CLEC5A: variants seen among roughly 807,000 people sequenced by gnomAD.
The protein encoded by CLEC5A is C-type lectin domain family 5 member A.
CLEC5A carries 15 observed loss-of-function variants against 24.4 expected under a neutral mutation model. That is an observed-to-expected ratio of 0.62 (90% confidence interval 0.41 to 0.95). The LOEUF (loss-of-function observed/expected upper bound fraction) is 0.95, where lower values mean the gene tolerates loss of function less well. Among genes scored for constraint, CLEC5A ranks in the 40% least tolerant of loss-of-function variants. The pLI is 0.00. For missense variants in CLEC5A, 211 were observed against 224.0 expected, an observed-to-expected ratio of 0.94 and a Z score of 0.37; for synonymous variants, 71 against 72.6, an observed-to-expected ratio of 0.98 and a Z score of 0.11.
intron 6 of CLEC5A, chr7:141,931,473 A>C (rs1381740850): frequency 1.9e-6 from 1 of 513,510 alleles, no homozygotes; most frequent in African/African-American, 2.0e-5. Context: ...ATTTGTTTGG[A>C]TCTTGATATG....
chr7:141,934,404 G>T (rs117111661), intron 5 of CLEC5A, among the ~76,000 whole-genome samples: 2,742 of 152,270 alleles, frequency 0.018, 48 homozygotes, highest in South Asian at 0.068. Flanking sequence ...TGGGTGACAT[G>T]AGTACTCACC....
At chr7:141,937,245 G>C (rs1418913521) in intron 4 of CLEC5A, among the ~76,000 whole-genome samples, 1 of 151,976 alleles carries the variant, frequency 6.6e-6, no homozygotes, top group Non-Finnish European at 1.5e-5. Context: ...TCTAGGCCTT[G>C]ACTCTTGGAT....
At chr7:141,940,303 C>T (rs747875284) in intron 4 of CLEC5A, among the ~76,000 whole-genome samples, 13 of 151,798 alleles carry the variant, frequency 8.6e-5, no homozygotes, top group Non-Finnish European at 1.8e-4. Context: ...TGCACAAATA[C>T]GTGGAAATTA....
rs200671062 is a variant in CLEC5A, at chr7:141,935,826, C to T, written c.333G>A (p.Thr111=). The T allele has an allele frequency of 1.1e-5, 18 of 1,613,892 alleles. No individual in the cohort carries two copies. The highest frequency in any genetic ancestry group is 4.4e-5 in the South Asian group (4 of 91,088). ...GKGSTLAIVN[T]PEKLKFLQDI... is the part of the protein sequence containing the mutation. Reference sequence around the variant, plus strand: ...CCAGTGTTCTCACCAGTTTCTCTGGCGTGTTGACAATTGCCAATGTGGATC... The same window carrying T: ...CCAGTGTTCTCACCAGTTTCTCTGGTGTGTTGACAATTGCCAATGTGGATC... The change falls in exon 5 of 7, where the codon ACG becomes ACA. Residue 111 remains threonine, a synonymous_variant. Transcript: ENST00000546910.
chr7:141,932,077 C>G (rs1172495614), intron 5 of CLEC5A, among the ~76,000 whole-genome samples: 3 of 152,122 alleles, frequency 2.0e-5, no homozygotes, highest in Non-Finnish European at 4.4e-5. Flanking sequence ...TGAAGGGAAC[C>G]AATAATTTAC....
chr7:141,928,021 G>C lies in CLEC5A; in HGVS notation c.*2083C>G, dbSNP rs930300883. On this transcript the variant is annotated 3_prime_UTR_variant, in exon 7 of 7. Coordinates refer to ENST00000546910, the MANE Select transcript of CLEC5A (RefSeq NM_013252.3). Reference sequence around the variant, plus strand: ...ATTCACACAGCATATTAGAAACAAAGTGAAAACTCAAATTCAGTGGCTTGC... The same window carrying C: ...ATTCACACAGCATATTAGAAACAAACTGAAAACTCAAATTCAGTGGCTTGC... The C allele has an allele frequency of 4.6e-5, 7 of 150,568 alleles. No individual in the cohort carries two copies. Among genetic ancestry groups the C allele is most frequent in the Admixed American group, 4.6e-4 (7 of 15,116 alleles). 9.3% of individuals were successfully genotyped at this position (150,568 alleles called of 1,614,324 possible).
chr7:141,937,361 T>A (rs1469592871), intron 4 of CLEC5A, among the ~76,000 whole-genome samples: 1 of 152,000 alleles, frequency 6.6e-6, no homozygotes, highest in African/African-American at 2.4e-5. Context: ...CCCCTGTGCC[T>A]TAAACAAAAA....
intron 1 of CLEC5A, among the ~76,000 whole-genome samples, 166 bp from the exon 2 acceptor site, chr7:141,946,478 G>C (rs1802962088): frequency 6.6e-6 from 1 of 152,168 alleles, no homozygotes; most frequent in Non-Finnish European, 1.5e-5. Flanking sequence ...CGCGAACACA[G>C]AAAGAATCAT....
At chr7:141,935,277 T>C (rs1802585027) in intron 5 of CLEC5A, among the ~76,000 whole-genome samples, 1 of 152,210 alleles carries the variant, frequency 6.6e-6, no homozygotes, top group African/African-American at 2.4e-5. Flanking sequence ...AAATTACTTT[T>C]CTGTGCCCTA....
intron 3 of CLEC5A, among the ~76,000 whole-genome samples, chr7:141,944,347 C>A (rs546068857): frequency 6.6e-6 from 1 of 152,166 alleles, no homozygotes; most frequent in Non-Finnish European, 1.5e-5. Context: ...CTCGCCCAGG[C>A]TCCACACAGC....
At chr7:141,944,287 G>A (rs931145789) in intron 3 of CLEC5A, among the ~76,000 whole-genome samples, 11 of 152,234 alleles carry the variant, frequency 7.2e-5, no homozygotes, top group Admixed American at 3.3e-4. Flanking sequence ...CACTCCTATC[G>A]TATATAAACC....
At chr7:141,932,340 T>A (rs1379275653) in intron 5 of CLEC5A, among the ~76,000 whole-genome samples, 2 of 152,206 alleles carry the variant, frequency 1.3e-5, no homozygotes, top group African/African-American at 4.8e-5. Context: ...GTGTATTGCT[T>A]TTAAAAGTGT....
intron 4 of CLEC5A, among the ~76,000 whole-genome samples, chr7:141,937,516 A>T (rs1349278997): frequency 6.6e-6 from 1 of 152,166 alleles, no homozygotes; most frequent in Admixed American, 6.5e-5. Flanking sequence ...GGAGGACAGA[A>T]CACCAGGTAG....
intron 4 of CLEC5A, among the ~76,000 whole-genome samples, chr7:141,942,255 G>T (rs1802815771): frequency 6.6e-6 from 1 of 152,036 alleles, no homozygotes; most frequent in Non-Finnish European, 1.5e-5. Flanking sequence ...ACAGAAGAGA[G>T]AACCCATAAA....
At position 141,940,686 on chromosome 7, in the gene CLEC5A, C is replaced by CA. The variant is rs36046482; in HGVS notation, c.208+3209dup. ...AAAATCAATAAACCTTTAGCCAGAC[C>CA]AAAAAAAAAAAAGAGAAAGAGATGA... On this transcript the variant is annotated intron_variant, in intron 4 of 6. Transcript: ENST00000546910. Among the ~76,000 whole-genome samples, 511 of 144,854 alleles carry CA rather than the reference C, an allele frequency of 3.5e-3. 3 individuals are homozygous for CA. The highest frequency in any genetic ancestry group is 4.8e-3 in the Non-Finnish European group (314 of 65,604).
Position 141,935,827 on chromosome 7 carries a change from G to T in CLEC5A, c.332C>A (p.Thr111Lys). Residue 111 changes from threonine to lysine, a missense_variant, in exon 5 of 7, where the codon ACG becomes AAG. By Grantham distance (78) the Thr-to-Lys change is moderately conservative. Transcript: ENST00000546910. ...GKGSTLAIVN[T>K]PEKLKFLQDI... ...CAGTGTTCTCACCAGTTTCTCTGGCGTGTTGACAATTGCCAATGTGGATCC... is the reference window on the plus strand; with the variant it reads ...CAGTGTTCTCACCAGTTTCTCTGGCTTGTTGACAATTGCCAATGTGGATCC... 6.2e-7 allele frequency: 1 copy of T among 1,613,960 alleles called. No individual in the cohort carries two copies. Among genetic ancestry groups the T allele is most frequent in the Non-Finnish European group, 8.5e-7 (1 of 1,179,872 alleles).
Position 141,928,588 on chromosome 7 carries a change from C to T in CLEC5A, c.*1516G>A, listed in dbSNP as rs952929817. ...CAAACACAAATTACTTCTGGTAATT[C>T]CCTTCAAGCAAGTTCTGACACCTGA... On this transcript the variant is annotated 3_prime_UTR_variant, in exon 7 of 7. Coordinates refer to ENST00000546910, the MANE Select transcript of CLEC5A (RefSeq NM_013252.3). 6.6e-6 allele frequency: 1 copy of T among 152,182 alleles called. No homozygotes were observed. The highest frequency in any genetic ancestry group is 1.5e-5 in the Non-Finnish European group (1 of 68,032). 9.4% of individuals were successfully genotyped at this position (152,182 alleles called of 1,614,324 possible). A position where few individuals can be genotyped will look rare whatever the true frequency, so the allele number is the denominator to read the frequency against.
chr7:141,940,875 C>T (rs1554441578), intron 4 of CLEC5A, among the ~76,000 whole-genome samples: 1 of 151,908 alleles, frequency 6.6e-6, no homozygotes, highest in Non-Finnish European at 1.5e-5. Context: ...CAAGATTAAA[C>T]CACAAAGAAA....
At chr7:141,935,538 C>G (rs1802592147) in intron 5 of CLEC5A, among the ~76,000 whole-genome samples, 1 of 152,104 alleles carries the variant, frequency 6.6e-6, no homozygotes, top group Non-Finnish European at 1.5e-5. Flanking sequence ...ATGTCTTGGC[C>G]CATCCCCAGG....
Sources: allele counts gnomAD v4.1 joint callset (sites outside exome capture counted in the v4.1 genomes callset), GRCh38; gene constraint gnomAD v4.1.1; transcripts MANE v1.5; gene names NCBI Gene and HGNC (gene_info 2026-07-23, HGNC 2026-07-21).